PDE1B: variants seen among roughly 807,000 people sequenced by gnomAD.
The protein encoded by PDE1B is dual specificity calcium/calmodulin-dependent 3',5'-cyclic nucleotide phosphodiesterase 1B.
PDE1B carries 13 observed loss-of-function variants against 66.7 expected under a neutral mutation model. That is an observed-to-expected ratio of 0.19 (90% CI 0.13 to 0.31). PDE1B has a LOEUF of 0.31. PDE1B is among the 10% of genes least tolerant of loss of function. The pLI, the probability that PDE1B is intolerant of heterozygous loss-of-function variation, is 1.00. For synonymous variants in PDE1B, 230 were observed against 253.9 expected (o/e 0.91, Z 0.90); for missense variants, 485 against 682.3 (o/e 0.71, Z 3.22).
chr12:54,560,457 G>A (rs1957390558), intron 2 of PDE1B, among the ~76,000 whole-genome samples: 1 of 152,166 alleles, frequency 6.6e-6, no homozygotes, highest in East Asian at 1.9e-4. Flanking sequence ...AGAGATTGCA[G>A]ATCCCTGAAC....
At chr12:54,576,548 GC>G (rs1957753484) in intron 13 of PDE1B, 22 bp from the exon 14 acceptor site, 2 of 1,613,818 alleles carry the variant, frequency 1.2e-6, no homozygotes, top group African/African-American at 2.7e-5. Flanking sequence ...ACCTCTTGCG[GC>G]TTTTGGGGGT....
At position 54,577,279 on chromosome 12, in the gene PDE1B, C is replaced by T; in HGVS notation, c.1562C>T (p.Pro521Leu). ...DELSPCEEEA[P>L]PSPAEDEHNQ... is the part of the protein sequence containing the mutation. The stretch of plus-strand genomic sequence containing the variant: ...CTGTCCCCCTGTGAAGAAGAGGCCC[C>T]CCCATCCCCTGCCGAAGATGAACAC... Residue 521 changes from proline to leucine, a missense_variant, in exon 15 of 16, where the codon CCC becomes CTC. Pro to Leu is a moderately conservative substitution (Grantham distance 98, BLOSUM62 -3). Around this residue, in one of 4 missense-constraint regions of PDE1B, gnomAD observed 126 missense variants for 133.8 expected, o/e 0.94. Transcript: ENST00000243052. The T allele has an allele frequency of 6.2e-7, 1 of 1,613,938 alleles. No homozygotes were observed.
chr12:54,561,551 T>C, intron 2 of PDE1B: 2 of 1,501,188 alleles, frequency 1.3e-6, no homozygotes, highest in Non-Finnish European at 1.8e-6. Context: ...GGGGTCAGGA[T>C]TTTGATACTC....
At chr12:54,568,936 A>T (rs1957568598) in intron 3 of PDE1B, among the ~76,000 whole-genome samples, 1 of 152,238 alleles carries the variant, frequency 6.6e-6, no homozygotes, top group African/African-American at 2.4e-5. Flanking sequence ...CATCCCTGAA[A>T]GATGCGTTCC....
rs372386367 is a variant in PDE1B, at chr12:54,577,402, T to C, written c.*17+57T>C. 4 of 1,608,356 alleles carry C rather than the reference T, an allele frequency of 2.5e-6. No homozygotes were observed. In the African/African-American group the frequency reaches 5.3e-5, roughly 22 times the overall value. On this transcript the variant is annotated intron_variant, in intron 15 of 15. Coordinates refer to ENST00000243052, the MANE Select transcript of PDE1B (RefSeq NM_000924.4). ...GCTGGTGTCTATCATGGCATCTTTG[T>C]TGGGTCGTCTCTGGGCTCCAGTGGA...
chr12:54,550,272 A>C, intron 2 of PDE1B: 3 of 1,264,970 alleles, frequency 2.4e-6, no homozygotes, highest in Non-Finnish European at 3.0e-6. Flanking sequence ...AGCACAGTAT[A>C]TGCAGTGTGG....
rs1339138830 is a variant in PDE1B, at chr12:54,549,990, G to A, written c.113+5G>A. On this transcript the variant is annotated splice_donor_5th_base_variant and intron_variant, in intron 2 of 15. Transcript: ENST00000243052. ...GTGGATTAAGCTTCGGTCTCTGTAA[G>A]TCCCCGGCCCGGGAATGGGGGGAAG... 6.2e-7 allele frequency: 1 copy of A among 1,613,744 alleles called. No homozygotes were observed. Among genetic ancestry groups the A allele is most frequent in the Non-Finnish European group, 8.5e-7 (1 of 1,179,776 alleles).
intron 13 of PDE1B, 111 bp downstream of exon 13, chr12:54,576,211 C>A (rs1048377442): frequency 3.5e-5 from 26 of 740,132 alleles, no homozygotes; most frequent in Non-Finnish European, 6.1e-5. Context: ...GGTGGGGAGG[C>A]AGACTGCTTC....
At chr12:54,572,456 G>A (rs775480281) in intron 6 of PDE1B, 145 bp from the exon 7 acceptor site, 89 of 748,848 alleles carry the variant, frequency 1.2e-4, no homozygotes, top group Non-Finnish European at 2.0e-4. Context: ...GTAGAGGCAG[G>A]ATATGAGCCA....
At chr12:54,566,661 C>A (rs1338228087) in intron 2 of PDE1B, among the ~76,000 whole-genome samples, 1 of 152,202 alleles carries the variant, frequency 6.6e-6, no homozygotes, top group Non-Finnish European at 1.5e-5. Context: ...CCTAATTCTG[C>A]TGGGCCCTGG....
At chr12:54,567,209 G>A (rs1957530619) in intron 3 of PDE1B, 122 bp downstream of exon 3, 2 of 548,234 alleles carry the variant, frequency 3.6e-6, no homozygotes, top group Non-Finnish European at 6.5e-6. Flanking sequence ...AGAGAGGGTG[G>A]ACCAGATATA....
In PDE1B at chr12:54,576,081, A is replaced by G; in HGVS notation, c.1357A>G (p.Lys453Glu). Residue 453 changes from lysine (K) to glutamate (E), a missense_variant, in exon 13 of 16, where the codon AAG becomes GAG. Physicochemically the swap from Lys to Glu is moderately conservative, Grantham distance 56. Around this residue, in one of 4 missense-constraint regions of PDE1B, gnomAD observed 126 missense variants for 133.8 expected, o/e 0.94. Coordinates refer to ENST00000243052, the MANE Select transcript of PDE1B (RefSeq NM_000924.4). ...TCAGCCCCTGGCGGATGAGGACTCC[A>G]AGTCTAAAAACCAGCCCAGGTGAGG... The part of the protein sequence containing the change: ...SVQPLADEDS[K>E]SKNQPSFQWR... The G allele has an allele frequency of 3.7e-6, 6 of 1,611,566 alleles. No individual in the cohort carries two copies. Among genetic ancestry groups the G allele is most frequent in the Non-Finnish European group, 5.1e-6 (6 of 1,177,634 alleles).
chr12:54,555,726 C>T (rs1957334054), intron 2 of PDE1B, among the ~76,000 whole-genome samples: 1 of 151,978 alleles, frequency 6.6e-6, no homozygotes, highest in African/African-American at 2.4e-5. Context: ...AACTCCTCTG[C>T]TCTCTCTCAT....
intron 2 of PDE1B, among the ~76,000 whole-genome samples, chr12:54,551,516 G>A (rs1260142787): frequency 5.9e-5 from 9 of 152,166 alleles, no homozygotes; most frequent in Admixed American, 5.9e-4. Context: ...AATGAGCTGG[G>A]GAAAGGGGCA....
At chr12:54,550,278 T>C (rs1957257481) in intron 2 of PDE1B, 3 of 1,233,658 alleles carry the variant, frequency 2.4e-6, no homozygotes, top group Admixed American at 3.7e-5. Flanking sequence ...GTATATGCAG[T>C]GTGGCAGGGC....
At chr12:54,559,760 T>C (rs1957382985) in intron 2 of PDE1B, among the ~76,000 whole-genome samples, 1 of 152,128 alleles carries the variant, frequency 6.6e-6, no homozygotes, top group Non-Finnish European at 1.5e-5. Flanking sequence ...AGAGTTGAGG[T>C]TAGCACTTAC....
At chr12:54,568,980 C>T (rs1366486794) in intron 3 of PDE1B, 1 of 790,188 alleles carries the variant, frequency 1.3e-6, no homozygotes, top group East Asian at 3.0e-5. Context: ...AGTTGGGATG[C>T]TCACTACCTC....
At position 54,579,202 on chromosome 12, in the gene PDE1B, C is replaced by G; in HGVS notation, c.*1360C>G. ...CCCCTGCCCTTGGTTTCCCAGACCC[C>G]TGCTATAGCCAGAGAACAATAAAGA... On this transcript the variant is annotated 3_prime_UTR_variant, in exon 16 of 16. Transcript: ENST00000243052. 1 of 977,294 alleles carries G rather than the reference C, an allele frequency of 1.0e-6. No individual in the cohort carries two copies. The highest frequency in any genetic ancestry group is 4.7e-5 in the South Asian group (1 of 21,116). The allele number at this position is 977,294 out of a possible 1,614,324, so 60.5% of individuals were successfully genotyped here.
chr12:54,561,528 C>T, intron 2 of PDE1B: 2 of 1,457,972 alleles, frequency 1.4e-6, no homozygotes, highest in East Asian at 2.6e-5. Context: ...CTCTTGGGGG[C>T]CCTGGGGCTC....
Sources: allele counts gnomAD v4.1 joint callset (sites outside exome capture counted in the v4.1 genomes callset), GRCh38; gene constraint gnomAD v4.1.1; regional missense constraint gnomAD v4.1.1; transcripts MANE v1.5; gene names NCBI Gene and HGNC (gene_info 2026-07-23, HGNC 2026-07-21).